Variants in HAPLN3 observed in about 807,000 individuals in gnomAD.
HAPLN3 encodes hyaluronan and proteoglycan link protein 3, also known as extracellular link domain containing, 1.
A neutral mutation model predicts 28.1 loss-of-function variants in HAPLN3; 28 were observed. The ratio of observed to expected loss-of-function variants is 1.00; its 90% CI spans 0.74 to 1.37. The LOEUF (loss-of-function observed/expected upper bound fraction) is 1.37, where lower values mean the gene tolerates loss of function less well. Among genes scored for constraint, HAPLN3 ranks in the 40% most tolerant of loss-of-function variants. HAPLN3 has a pLI of 0.00. For synonymous variants in HAPLN3, 211 were observed against 213.1 expected (o/e 0.99, Z 0.09); for missense variants, 513 against 504.6 (o/e 1.02, Z -0.16).
intron 2 of HAPLN3, among the ~76,000 whole-genome samples, chr15:88,886,153 C>G (rs1162539852): frequency 6.6e-6 from 1 of 151,330 alleles, no homozygotes; most frequent in Non-Finnish European, 1.5e-5. Context: ...AGTTCAGGAC[C>G]AGCCTGGCCA....
At chr15:88,882,484 C>T (rs181569345) in intron 2 of HAPLN3, among the ~76,000 whole-genome samples, 8 of 152,318 alleles carry the variant, frequency 5.3e-5, no homozygotes, top group Non-Finnish European at 1.5e-5. Context: ...AGCTGTCCAC[C>T]ATAACTCTTC....
At chr15:88,887,525 T>C (rs1897897762) in intron 1 of HAPLN3, among the ~76,000 whole-genome samples, 180 bp from the exon 2 acceptor site, 1 of 152,212 alleles carries the variant, frequency 6.6e-6, no homozygotes, top group Non-Finnish European at 1.5e-5. Context: ...ATGGGGTTCC[T>C]GCTTTCAGGG....
intron 2 of HAPLN3, among the ~76,000 whole-genome samples, chr15:88,882,979 T>C (rs1218654632): frequency 6.6e-6 from 1 of 152,084 alleles, no homozygotes; most frequent in Non-Finnish European, 1.5e-5. Flanking sequence ...CATTCCAAAC[T>C]GGGTGAGAGA....
Position 88,880,421 on chromosome 15 carries a change from G to A in HAPLN3, c.493+936C>T. On this transcript the variant is annotated intron_variant, in intron 3 of 4. Transcript: ENST00000359595. The surrounding 1 kb of genome is among the most constrained non-coding windows in gnomAD (Gnocchi z 6.0). ...CATACATCTTATCCTCATTGCCTCT[G>A]AGGGAGGTAAAGGAGGAAAGATTGT... The A allele has an allele frequency of 1.7e-6, 2 of 1,184,866 alleles. No individual in the cohort carries two copies. The highest frequency in any genetic ancestry group is 2.1e-6 in the Non-Finnish European group (2 of 937,606). The allele number at this position is 1,184,866 out of a possible 1,614,324, so 73.4% of individuals were successfully genotyped here.
Position 88,880,731 on chromosome 15 carries a change from G to T in HAPLN3, c.493+626C>A. The T allele has an allele frequency of 2.7e-6, 1 of 364,474 alleles. No homozygotes were observed. The highest frequency in any genetic ancestry group is 4.5e-6 in the Non-Finnish European group (1 of 222,862). The allele number at this position is 364,474 out of a possible 1,614,324, so 22.6% of individuals were successfully genotyped here. ...GGTTTTTGTTTTTGGTTTTGGGGGG[G>T]CTTTTTGTTTGTTTTTTGTTTTGTT... On this transcript the variant is annotated intron_variant, in intron 3 of 4. Coordinates refer to ENST00000359595, the MANE Select transcript of HAPLN3 (RefSeq NM_178232.4). This position sits in a 1 kb window ranked among gnomAD's most constrained non-coding sequence, Gnocchi z 6.0.
At position 88,881,725 on chromosome 15, in the gene HAPLN3, T is replaced by A. The variant is rs776841199; in HGVS notation, c.125A>T (p.Asp42Val). The A allele has an allele frequency of 5.0e-6, 8 of 1,606,770 alleles. No homozygotes were observed. In the East Asian group the frequency reaches 1.8e-4, roughly 36 times the overall value. ...DQNLGNGHGK[D>V]LLNGVKLVVE... Reference sequence around the variant, plus strand: ...CACCAGCTTCACTCCATTAAGGAGGTCTTGGGGGAGAGACAGGGTGCAGAT... The same window carrying A: ...CACCAGCTTCACTCCATTAAGGAGGACTTGGGGGAGAGACAGGGTGCAGAT... The change falls in exon 3 of 5, where the codon GAC (aspartate) becomes GTC (valine). Residue 42 changes from aspartate to valine, a missense_variant and splice_region_variant. Transcript: ENST00000359595. This position sits in a 1 kb window ranked among gnomAD's most constrained non-coding sequence, Gnocchi z 6.0.
At chr15:88,893,586 T>C (rs535353186) in intron 1 of HAPLN3, among the ~76,000 whole-genome samples, 66 of 152,196 alleles carry the variant, frequency 4.3e-4, no homozygotes, top group Admixed American at 1.9e-3. Flanking sequence ...CCTCTGTCAT[T>C]GGACAAGTCG....
At chr15:88,883,129 C>T (rs1897752136) in intron 2 of HAPLN3, among the ~76,000 whole-genome samples, 1 of 152,250 alleles carries the variant, frequency 6.6e-6, no homozygotes, top group Admixed American at 6.5e-5. Context: ...AGAGCTATAC[C>T]TAATGTAGCA....
In HAPLN3 at chr15:88,887,268, G is replaced by A; in HGVS notation, c.31C>T (p.Leu11=). The A allele has an allele frequency of 6.2e-7, 1 of 1,614,150 alleles. No individual in the cohort carries two copies. The change falls in exon 2 of 5, where the codon CTG becomes TTG. Residue 11 remains leucine (L), a synonymous_variant. Coordinates refer to ENST00000359595, the MANE Select transcript of HAPLN3 (RefSeq NM_178232.4). ...GGCAGTCCGTAGGAGCCGGGCAGCA[G>A]GAGCAACGGGACCAGGAGCAACAGG... The part of the protein sequence containing the change: MGLLLLVPLL[L]LPGSYGLPFY...
intron 2 of HAPLN3, among the ~76,000 whole-genome samples, chr15:88,885,753 C>G (rs1897836159): frequency 6.6e-6 from 1 of 152,082 alleles, no homozygotes; most frequent in Non-Finnish European, 1.5e-5. Context: ...CCGCGCCTGG[C>G]CAATTTTTTG....
Position 88,879,184 on chromosome 15 carries a change from C to G in HAPLN3, c.579G>C (p.Ala193=). ...AGAGCTGCTCAAAGGAGGCCACCAC[C>G]GCAGCCTGCTCTGCACAGACCTGCT... ...EGQQVCAEQA[A]VVASFEQLFR... The change falls in exon 4 of 5, where the codon GCG becomes GCC. Residue 193 remains alanine, a synonymous_variant. Transcript: ENST00000359595. This position sits in a 1 kb window ranked among gnomAD's most constrained non-coding sequence, Gnocchi z 5.0. The G allele has an allele frequency of 6.2e-7, 1 of 1,613,812 alleles. No individual in the cohort carries two copies. Among genetic ancestry groups the G allele is most frequent in the Non-Finnish European group, 8.5e-7 (1 of 1,179,964 alleles).
Position 88,877,927 on chromosome 15 carries a change from T to A in HAPLN3, c.*43A>T. The A allele has an allele frequency of 9.8e-6, 15 of 1,534,728 alleles. No individual in the cohort carries two copies. Among genetic ancestry groups the A allele is most frequent in the Non-Finnish European group, 1.3e-5 (15 of 1,139,736 alleles). On this transcript the variant is annotated 3_prime_UTR_variant, in exon 5 of 5. Transcript: ENST00000359595. The surrounding 1 kb of genome is among the most constrained non-coding windows in gnomAD (Gnocchi z 5.1). ...AAGGGAAAACGAACCACTCAATAAA[T>A]ACACAGCCAGTGAGGGAATGCGGCA...
At chr15:88,893,712 G>C (rs1237368157) in intron 1 of HAPLN3, among the ~76,000 whole-genome samples, 1 of 152,024 alleles carries the variant, frequency 6.6e-6, no homozygotes, top group East Asian at 1.9e-4. Context: ...CAGATCACCT[G>C]AGGTCAAGAG....
intron 2 of HAPLN3, among the ~76,000 whole-genome samples, chr15:88,884,872 G>A (rs1309872986): frequency 1.3e-5 from 2 of 152,186 alleles, no homozygotes; most frequent in Admixed American, 1.3e-4. Context: ...CTACAGCCAA[G>A]GAATGCCAGC....
chr15:88,887,123 G>A (rs577160742), intron 2 of HAPLN3, 52 bp downstream of exon 2: 2 of 1,597,022 alleles, frequency 1.3e-6, no homozygotes, highest in Admixed American at 1.7e-5. Context: ...AAGAGCCAAG[G>A]AGGTCTAGGT....
chr15:88,880,768 AAGG>A lies in HAPLN3; in HGVS notation c.493+586_493+588del. ...TTTTTTGTTTTGTTTTGTTTTTAAA[AAGG>A]AGGTTTTTACATAAAAATCAGGAGA... On this transcript the variant is annotated intron_variant, in intron 3 of 4. Coordinates refer to ENST00000359595, the MANE Select transcript of HAPLN3 (RefSeq NM_178232.4). This position sits in a 1 kb window ranked among gnomAD's most constrained non-coding sequence, Gnocchi z 6.0. 6.6e-6 allele frequency among the ~76,000 whole-genome samples: 1 copy of A among 152,204 alleles called. No individual in the cohort carries two copies. Among genetic ancestry groups the A allele is most frequent in the South Asian group, 2.1e-4 (1 of 4,812 alleles).
intron 1 of HAPLN3, among the ~76,000 whole-genome samples, chr15:88,894,627 G>A (rs762929154): frequency 1.9e-4 from 29 of 152,126 alleles, no homozygotes; most frequent in Non-Finnish European, 3.7e-4. Flanking sequence ...GAGAAGCCAG[G>A]GCCCCTCTCA....
In HAPLN3 at chr15:88,878,013, G is replaced by T; in HGVS notation, c.1040C>A (p.Pro347Gln). 6.2e-7 allele frequency: 1 copy of T among 1,613,798 alleles called. No homozygotes were observed. The highest frequency in any genetic ancestry group is 8.5e-7 in the Non-Finnish European group (1 of 1,179,906). ...GTAAACACCGTACAAGCGGCTCTGC[G>T]GGTCGGGGAAGCCAAAGCTTCGGAC... ...PGVRSFGFPD[P>Q]QSRLYGVYCY... Residue 347 changes from proline (P) to glutamine (Q), a missense_variant, in exon 5 of 5, where the codon CCG becomes CAG. By Grantham distance (76) the Pro-to-Gln change is moderately conservative. Coordinates refer to ENST00000359595, the MANE Select transcript of HAPLN3 (RefSeq NM_178232.4).
intron 1 of HAPLN3, among the ~76,000 whole-genome samples, chr15:88,893,831 A>G (rs6496532): frequency 0.32 from 48,465 of 150,460 alleles, 8,207 homozygotes; most frequent in African/African-American, 0.44. Flanking sequence ...GGGAGGCTGA[A>G]GCAGAAGAAT....
Sources: gnomAD v4.1 joint callset for allele counts (sites outside exome capture counted in the v4.1 genomes callset) on GRCh38, gnomAD v4.1.1 for gene constraint, Gnocchi (gnomAD v3.1) non-coding constraint, MANE v1.5 for transcripts, NCBI Gene and HGNC (gene_info 2026-07-23, HGNC 2026-07-21) for gene names.